The following EVC variants were observed in gnomAD, a reference collection of about 807,000 sequenced individuals.
EVC encodes the protein evC complex member EVC.
In EVC, 116 loss-of-function variants were observed where a neutral mutation model predicts 118.9. That is an observed-to-expected ratio of 0.98 (90% confidence interval 0.84 to 1.14). The LOEUF (loss-of-function observed/expected upper bound fraction) is 1.14. Ranked by LOEUF, EVC falls within the 50% of genes most tolerant of loss-of-function variation. The pLI is 0.00. For missense variants in EVC, 1,401 were observed against 1,246.4 expected, an observed-to-expected ratio of 1.12 and a Z score of -1.87; for synonymous variants, 619 against 534.7, an observed-to-expected ratio of 1.16 and a Z score of -2.18.
intron 5 of EVC, among the ~76,000 whole-genome samples, chr4:5,733,734 AAG>A (rs1055564633): frequency 1.3e-5 from 2 of 152,226 alleles, no homozygotes; most frequent in African/African-American, 4.8e-5. Context: ...AGATATTTAA[AAG>A]AGAACAATAT....
At chr4:5,748,370 G>C in intron 8 of EVC, 64 bp downstream of exon 8, 1 of 1,571,028 alleles carries the variant, frequency 6.4e-7, no homozygotes, top group Non-Finnish European at 8.7e-7. Context: ...GAATCCTGAG[G>C]CTTGACATCC....
At chr4:5,714,703 A>G (rs545053273) in intron 1 of EVC, among the ~76,000 whole-genome samples, 1 of 152,304 alleles carries the variant, frequency 6.6e-6, no homozygotes, top group South Asian at 2.1e-4. Flanking sequence ...AACATTATCT[A>G]CTGCAAGTTA....
chr4:5,810,278 C>G (rs1291249215), intron 19 of EVC, 61 bp from the exon 20 acceptor site: 2 of 1,368,196 alleles, frequency 1.5e-6, no homozygotes, highest in African/African-American at 2.8e-5. Flanking sequence ...TGTGAGGCTG[C>G]AAGAAGTTGT....
chr4:5,821,755 C>T, the EVC span: 1 of 1,606,098 alleles, frequency 6.2e-7, no homozygotes. The surrounding 1 kb of genome is among the most constrained non-coding windows in gnomAD (Gnocchi z 4.4). Flanking sequence ...TCCGCGCATC[C>T]ACGTTCAACC....
Position 5,804,853 on chromosome 4 carries a change from A to C in EVC, c.2561+12A>C, listed in dbSNP as rs753153126. ...GCGGTCCACCAGAGGTGAGGTCCCA[A>C]CTGAGGTCCCACGTAGGGCTGTTCT... On this transcript the variant is annotated intron_variant, in intron 17 of 20. Transcript: ENST00000264956. 3.2e-5 allele frequency: 52 copies of C among 1,606,580 alleles called. No homozygotes were observed. The highest frequency in any genetic ancestry group is 4.3e-5 in the Non-Finnish European group (51 of 1,173,560).
At chr4:5,744,573 T>C (rs554404503) in intron 6 of EVC, among the ~76,000 whole-genome samples, 101 of 152,298 alleles carry the variant, frequency 6.6e-4, no homozygotes, top group African/African-American at 2.4e-3. Flanking sequence ...TTGGACGATG[T>C]GGCTTACATG....
At chr4:5,787,606 C>A (rs897363402) in intron 12 of EVC, among the ~76,000 whole-genome samples, 1 of 152,280 alleles carries the variant, frequency 6.6e-6, no homozygotes, top group South Asian at 2.1e-4. Context: ...TTCAGGCTTC[C>A]GATCTCCAGA....
downstream of EVC, among the ~76,000 whole-genome samples, chr4:5,817,745 A>G (rs952645946): frequency 6.6e-6 from 1 of 152,164 alleles, no homozygotes; most frequent in Non-Finnish European, 1.5e-5. Context: ...TCAGAAGAGT[A>G]GCTCTGTTGA....
intron 3 of EVC, 122 bp downstream of exon 3, chr4:5,729,512 C>A: frequency 3.1e-6 from 3 of 952,688 alleles, no homozygotes; most frequent in South Asian, 1.4e-5. Context: ...TATGGCAAGT[C>A]ATTTTAGTAG....
chr4:5,716,389 G>A (rs1303299260), intron 1 of EVC, among the ~76,000 whole-genome samples: 1 of 152,192 alleles, frequency 6.6e-6, no homozygotes, highest in Non-Finnish European at 1.5e-5. Context: ...TTGCAATTTT[G>A]TGAAGGAAGA....
At chr4:5,713,721 T>C (rs144604582) in intron 1 of EVC, among the ~76,000 whole-genome samples, 4,715 of 136,682 alleles carry the variant, frequency 0.034, 262 homozygotes, top group African/African-American at 0.12. Flanking sequence ...CTGACCAACA[T>C]AGAGAAACCC....
intron 5 of EVC, 127 bp downstream of exon 5, chr4:5,733,562 G>T (rs1025261998): frequency 6.8e-6 from 6 of 876,328 alleles, no homozygotes; most frequent in Non-Finnish European, 1.1e-5. Flanking sequence ...CCGCTGTGAG[G>T]TGGGGGAAAG....
chr4:5,817,459 G>C (rs970579648), downstream of EVC, among the ~76,000 whole-genome samples: 1 of 152,168 alleles, frequency 6.6e-6, no homozygotes, highest in Non-Finnish European at 1.5e-5. Flanking sequence ...CCTCCTCTTG[G>C]GAACAGACTA....
rs1484927433 is a variant in EVC at position 5,756,426 on chromosome 4, C to T, written c.1563+64C>T. On this transcript the variant is annotated intron_variant, in intron 11 of 20. Transcript: ENST00000264956. This position sits in a 1 kb window ranked among gnomAD's most constrained non-coding sequence, Gnocchi z 4.2. ...GGTCTGTGTGTGTGCGAGAACCTCACATCCTCCTGGCTGGGGACCCCAGAG... is the reference window on the plus strand; with the variant it reads ...GGTCTGTGTGTGTGCGAGAACCTCATATCCTCCTGGCTGGGGACCCCAGAG... 7.1e-7 allele frequency: 1 copy of T among 1,408,860 alleles called. No individual in the cohort carries two copies. Among genetic ancestry groups the T allele is most frequent in the South Asian group, 1.2e-5 (1 of 81,734 alleles). The allele number at this position is 1,408,860 out of a possible 1,614,324, so 87.3% of individuals were successfully genotyped here.
intron 11 of EVC, among the ~76,000 whole-genome samples, chr4:5,782,536 GAAAAAAAAAAAAAAAAAAA>G (rs71171483): frequency 8.7e-5 from 4 of 45,734 alleles, no homozygotes; most frequent in Admixed American, 4.3e-4. Context: ...TGTTTTAAAT[GAAAAAAAAAAAAAAAAAAA>G]AAAAAAAAAA....
the EVC span, among the ~76,000 whole-genome samples, chr4:5,820,452 T>C: frequency 1.1e-4 from 16 of 152,208 alleles, no homozygotes; most frequent in Admixed American, 3.9e-4. Flanking sequence ...GTTTAGGAGA[T>C]TGGAGCTTCC....
intron 11 of EVC, among the ~76,000 whole-genome samples, chr4:5,773,524 G>T (rs1734288660): frequency 6.6e-6 from 1 of 152,138 alleles, no homozygotes; most frequent in African/African-American, 2.4e-5. Flanking sequence ...TGTAGCAGAG[G>T]CAGGGAAGTG....
chr4:5,739,035 A>G (rs1728125068), intron 5 of EVC, among the ~76,000 whole-genome samples: 1 of 152,168 alleles, frequency 6.6e-6, no homozygotes, highest in Non-Finnish European at 1.5e-5. Context: ...AAACCAAAAA[A>G]TGTGTGCGGC....
chr4:5,816,583 C>T (rs1560461631), downstream of EVC, among the ~76,000 whole-genome samples: 1 of 149,788 alleles, frequency 6.7e-6, no homozygotes, highest in South Asian at 2.1e-4. Context: ...CCCTTCCTCC[C>T]CTCCCTCCCT....
Sources: allele counts gnomAD v4.1 joint callset (sites outside exome capture counted in the v4.1 genomes callset), GRCh38; gene constraint gnomAD v4.1.1; non-coding constraint Gnocchi (gnomAD v3.1); transcripts MANE v1.5; gene names NCBI Gene and HGNC (gene_info 2026-07-23, HGNC 2026-07-21).